Variants in PRP4K observed in about 807,000 individuals in gnomAD.
PRP4K encodes pre-mRNA processing factor kinase PRP4K, also known as serine/threonine-protein kinase PRP4 homolog.
chr6:4,056,802 A>G, the PRP4K span: 8 of 1,279,606 alleles, frequency 6.3e-6, no homozygotes, highest in South Asian at 1.5e-5. Context: ...AGAAATACAT[A>G]TTTTCTTTTG....
chr6:4,062,134 T>G, the PRP4K span: 1 of 152,674 alleles, frequency 6.5e-6, no homozygotes, highest in Non-Finnish European at 1.5e-5. The surrounding 1 kb of genome is among the most constrained non-coding windows in gnomAD (Gnocchi z 4.2). Context: ...AGATTATTCC[T>G]GTAGGTTATG....
the PRP4K span, chr6:4,042,442 G>A: frequency 7.1e-7 from 1 of 1,415,674 alleles, no homozygotes; most frequent in Non-Finnish European, 9.9e-7. Context: ...TGTATAAGGG[G>A]TATGGTTTTA....
the PRP4K span, chr6:4,064,490 T>C: frequency 6.6e-6 from 1 of 152,572 alleles, no homozygotes; most frequent in African/African-American, 2.4e-5. Context: ...ATGGCCCTTT[T>C]GAATGTTGAA....
the PRP4K span, chr6:4,040,958 T>A: frequency 2.5e-6 from 4 of 1,580,266 alleles, no homozygotes; most frequent in Non-Finnish European, 3.4e-6. Flanking sequence ...TAACTTTGTT[T>A]TTCCAGTTTA....
the PRP4K span, among the ~76,000 whole-genome samples, chr6:4,034,246 A>G: frequency 6.6e-6 from 1 of 152,098 alleles, no homozygotes; most frequent in Non-Finnish European, 1.5e-5. Context: ...CAAAACATAT[A>G]GATTGTTTTT....
At chr6:4,028,229 T>G in the PRP4K span, among the ~76,000 whole-genome samples, 4 of 152,198 alleles carry the variant, frequency 2.6e-5, no homozygotes, top group Non-Finnish European at 4.4e-5. Context: ...CTTCCTTTGT[T>G]GCCCAGGCTG....
the PRP4K span, among the ~76,000 whole-genome samples, chr6:4,023,918 T>C: frequency 6.7e-6 from 1 of 150,260 alleles, no homozygotes; most frequent in Non-Finnish European, 1.5e-5. Context: ...CCAGGCTAGA[T>C]TGCAGTGGTG....
the PRP4K span, chr6:4,052,999 C>A: frequency 1.2e-6 from 1 of 805,982 alleles, no homozygotes; most frequent in Non-Finnish European, 1.8e-6. Flanking sequence ...TAACCTATTT[C>A]AAATGACTAA....
At chr6:4,037,798 TA>T in the PRP4K span, among the ~76,000 whole-genome samples, 1 of 152,112 alleles carries the variant, frequency 6.6e-6, no homozygotes, top group Non-Finnish European at 1.5e-5. Flanking sequence ...ATTAGTCTTT[TA>T]AAAATAGGAC....
chr6:4,021,518 T>A, the PRP4K span: 1 of 1,558,680 alleles, frequency 6.4e-7, no homozygotes, highest in Non-Finnish European at 8.7e-7. Context: ...GACTGCCGAG[T>A]GGGAGCTGCA....
At chr6:4,056,008 T>C in the PRP4K span, among the ~76,000 whole-genome samples, 1 of 152,224 alleles carries the variant, frequency 6.6e-6, no homozygotes, top group Admixed American at 6.5e-5. Context: ...TAGAAGATGC[T>C]TTGCTTCATG....
At chr6:4,031,999 G>C in the PRP4K span, 2 of 1,614,054 alleles carry the variant, frequency 1.2e-6, no homozygotes, top group Non-Finnish European at 1.7e-6. Context: ...AATAGGTCTA[G>C]TACTAGATCT....
At chr6:4,050,469 T>C in the PRP4K span, 9,357 of 321,442 alleles carry the variant, frequency 0.029, 805 homozygotes, top group African/African-American at 0.18. Context: ...CCCTCTATTG[T>C]CTGTCTTATG....
At chr6:4,036,255 T>C in the PRP4K span, among the ~76,000 whole-genome samples, 4 of 152,260 alleles carry the variant, frequency 2.6e-5, no homozygotes, top group East Asian at 7.7e-4. Context: ...AGGGTCACAC[T>C]CTGTCACCCA....
chr6:4,040,489 A>G, the PRP4K span, among the ~76,000 whole-genome samples: 28 of 152,302 alleles, frequency 1.8e-4, no homozygotes, highest in African/African-American at 6.5e-4. Context: ...TCAAGTTCAT[A>G]TCCATGGGAA....
At chr6:4,057,262 A>G in the PRP4K span, 1 of 1,487,688 alleles carries the variant, frequency 6.7e-7, no homozygotes, top group Non-Finnish European at 9.1e-7. Context: ...CTTGCTCACC[A>G]CTAGTGAGCT....
the PRP4K span, among the ~76,000 whole-genome samples, chr6:4,026,723 G>A: frequency 1.3e-5 from 2 of 152,196 alleles, no homozygotes; most frequent in Non-Finnish European, 2.9e-5. Context: ...TGCTCATATA[G>A]TGCTTACATT....
chr6:4,063,671 C>CT, the PRP4K span: 2 of 152,026 alleles, frequency 1.3e-5, no homozygotes, highest in Non-Finnish European at 2.9e-5. Context: ...CATATCTAGA[C>CT]TACCTATTTG....
At chr6:4,021,304 C>T in the PRP4K span, 19 of 1,348,226 alleles carry the variant, frequency 1.4e-5, no homozygotes, top group East Asian at 5.0e-5. Flanking sequence ...GGACTCAGAA[C>T]CCAGCTCTTC....
Sources: allele counts gnomAD v4.1 joint callset (sites outside exome capture counted in the v4.1 genomes callset), GRCh38; gene constraint gnomAD v4.1.1; non-coding constraint Gnocchi (gnomAD v3.1); transcripts MANE v1.5; gene names NCBI Gene and HGNC (gene_info 2026-07-23, HGNC 2026-07-21).